Variants in PRORP observed in about 807,000 individuals in gnomAD.
PRORP encodes protein only RNase P catalytic subunit.
PRORP carries 51 observed loss-of-function variants against 59.4 expected under a neutral mutation model. The observed-to-expected ratio is 0.86, with a 90% CI of 0.69 to 1.08. The LOEUF is 1.08. PRORP is among the 50% of genes least tolerant of loss of function. The pLI is 0.00. For missense variants in PRORP, 646 were observed against 690.3 expected, an observed-to-expected ratio of 0.94 and a Z score of 0.72; for synonymous variants, 231 against 245.6, an observed-to-expected ratio of 0.94 and a Z score of 0.55.
chr14:35,125,462 A>G (rs1416104115), intron 2 of PRORP, among the ~76,000 whole-genome samples: 1 of 151,952 alleles, frequency 6.6e-6, no homozygotes, highest in Non-Finnish European at 1.5e-5. Context: ...TGCTGTGTTG[A>G]CCAGGCTGGA....
intron 5 of PRORP, among the ~76,000 whole-genome samples, chr14:35,262,251 G>A (rs2050925622): frequency 6.6e-6 from 1 of 151,978 alleles, no homozygotes; most frequent in African/African-American, 2.4e-5. Context: ...GCCTCAAGCA[G>A]TCCTCCTGCC....
chr14:35,129,109 G>C (rs1442413663), intron 4 of PRORP, among the ~76,000 whole-genome samples: 1 of 151,836 alleles, frequency 6.6e-6, no homozygotes, highest in Non-Finnish European at 1.5e-5. Context: ...TCGTGAGGTT[G>C]AGGCAGGAGA....
chr14:35,261,329 C>T (rs1000279556), intron 5 of PRORP, among the ~76,000 whole-genome samples: 1 of 152,166 alleles, frequency 6.6e-6, no homozygotes, highest in Non-Finnish European at 1.5e-5. Context: ...TTTTTAGTTG[C>T]ACTTAGTGGG....
intron 4 of PRORP, among the ~76,000 whole-genome samples, chr14:35,177,033 C>T (rs2048470287): frequency 6.6e-6 from 1 of 152,114 alleles, no homozygotes; most frequent in Non-Finnish European, 1.5e-5. Flanking sequence ...TGTTTATATG[C>T]TGGATTACAT....
At chr14:35,238,953 T>C (rs2050289547) in intron 5 of PRORP, among the ~76,000 whole-genome samples, 1 of 152,162 alleles carries the variant, frequency 6.6e-6, no homozygotes, top group South Asian at 2.1e-4. Flanking sequence ...TATTAAGTGA[T>C]TTGATCCTCA....
chr14:35,174,935 T>C (rs921618838), intron 4 of PRORP, among the ~76,000 whole-genome samples: 4 of 131,218 alleles, frequency 3.0e-5, no homozygotes, highest in Non-Finnish European at 4.7e-5. Context: ...ATGTTCCCCT[T>C]CCTATGTCCA....
At chr14:35,127,261 AG>A (rs1471759898) in intron 3 of PRORP, among the ~76,000 whole-genome samples, 1 of 152,028 alleles carries the variant, frequency 6.6e-6, no homozygotes, top group Non-Finnish European at 1.5e-5. Flanking sequence ...AAAAAAAAAA[AG>A]TCATCCAAAC....
chr14:35,136,264 C>T lies in PRORP; in HGVS notation c.1167+8653C>T, dbSNP rs1306603890. ...TTTTCGGCTTGGGTGATGGGGTGAACAAACTCTCACTCCCTAATTCCTTTT... is the reference window on the plus strand; with the variant it reads ...TTTTCGGCTTGGGTGATGGGGTGAATAAACTCTCACTCCCTAATTCCTTTT... On this transcript the variant is annotated intron_variant, in intron 4 of 7. Coordinates refer to ENST00000534898, the MANE Select transcript of PRORP (RefSeq NM_014672.4). Among the ~76,000 whole-genome samples, 4 of 152,150 alleles carry T rather than the reference C, an allele frequency of 2.6e-5. No homozygotes were observed. In the East Asian group the frequency reaches 7.7e-4, roughly 29 times the overall value.
At chr14:35,176,247 C>T (rs1357449928) in intron 4 of PRORP, among the ~76,000 whole-genome samples, 1 of 152,012 alleles carries the variant, frequency 6.6e-6, no homozygotes, top group Non-Finnish European at 1.5e-5. Context: ...TCCATATGAA[C>T]TTTAAAGTAG....
At chr14:35,269,018 T>G (rs538082828) in intron 6 of PRORP, among the ~76,000 whole-genome samples, 2 of 152,308 alleles carry the variant, frequency 1.3e-5, no homozygotes, top group Admixed American at 6.5e-5. Context: ...GTGCTTCCAT[T>G]TCTCCAAGAG....
chr14:35,261,998 C>T (rs2050916301), intron 5 of PRORP, among the ~76,000 whole-genome samples: 1 of 152,094 alleles, frequency 6.6e-6, no homozygotes, highest in African/African-American at 2.4e-5. Context: ...GGCTTTTCTG[C>T]TCTTCTTTGG....
intron 5 of PRORP, among the ~76,000 whole-genome samples, chr14:35,192,788 G>A (rs1469003208): frequency 3.3e-5 from 5 of 152,008 alleles, no homozygotes; most frequent in East Asian, 1.9e-4. Flanking sequence ...GAGGTCAGGC[G>A]TTCAAGACCA....
chr14:35,163,233 A>G (rs956786353), intron 4 of PRORP, among the ~76,000 whole-genome samples: 3 of 152,156 alleles, frequency 2.0e-5, no homozygotes, highest in African/African-American at 7.2e-5. Flanking sequence ...CACAACACAG[A>G]TACAATATAC....
chr14:35,198,814 C>T (rs901130174), intron 5 of PRORP, among the ~76,000 whole-genome samples: 4 of 151,720 alleles, frequency 2.6e-5, no homozygotes, highest in African/African-American at 9.7e-5. Context: ...GGGCAGATCA[C>T]GAGGTCAAGA....
chr14:35,136,800 C>T lies in PRORP; in HGVS notation c.1167+9189C>T, dbSNP rs143724145. On this transcript the variant is annotated intron_variant, in intron 4 of 7. Coordinates refer to ENST00000534898, the MANE Select transcript of PRORP (RefSeq NM_014672.4). ...AGGTTAAATGCGAAGAGTGCCTGAG[C>T]TCATCCAGGAAAACAGTGAGAACAG... Among the ~76,000 whole-genome samples, 122 of 145,358 alleles carry T rather than the reference C, an allele frequency of 8.4e-4. 32 individuals carry two copies. The East Asian group carries it at 0.024, about 29-fold the overall frequency.
intron 5 of PRORP, among the ~76,000 whole-genome samples, chr14:35,221,529 C>T (rs1425931960): frequency 6.6e-6 from 1 of 151,874 alleles, no homozygotes; most frequent in Non-Finnish European, 1.5e-5. Flanking sequence ...TGTTGGTGCT[C>T]CTTTAAATTG....
chr14:35,145,577 G>T (rs1222234271), intron 4 of PRORP, among the ~76,000 whole-genome samples: 1 of 140,758 alleles, frequency 7.1e-6, no homozygotes, highest in Non-Finnish European at 1.6e-5. Flanking sequence ...AAAATTAGCT[G>T]GGCATGGTGG....
chr14:35,183,626 A>G (rs969533912), intron 5 of PRORP, among the ~76,000 whole-genome samples: 1 of 152,180 alleles, frequency 6.6e-6, no homozygotes, highest in Non-Finnish European at 1.5e-5. Flanking sequence ...AAGGGTATAT[A>G]TATTTTTAAA....
intron 5 of PRORP, among the ~76,000 whole-genome samples, chr14:35,203,058 T>G (rs1268788148): frequency 6.6e-6 from 1 of 152,240 alleles, no homozygotes; most frequent in African/African-American, 2.4e-5. Flanking sequence ...AAGAAGGTTT[T>G]TTTAAAATAA....
Sources: allele counts gnomAD v4.1 joint callset (sites outside exome capture counted in the v4.1 genomes callset), GRCh38; gene constraint gnomAD v4.1.1; transcripts MANE v1.5; gene names NCBI Gene and HGNC (gene_info 2026-07-23, HGNC 2026-07-21).